Variants in OPCML observed in about 807,000 individuals in gnomAD.
OPCML encodes the protein opioid-binding protein/cell adhesion molecule.
Under a neutral mutation model 37.8 loss-of-function variants are expected in OPCML, and 13 were observed. The ratio of observed to expected loss-of-function variants is 0.34; its 90% CI spans 0.22 to 0.55. The LOEUF (loss-of-function observed/expected upper bound fraction) is 0.55, where lower values mean the gene tolerates loss of function less well. Ranked by LOEUF, OPCML falls within the 20% of genes least tolerant of loss-of-function variation. OPCML has a pLI of 0.91. For synonymous variants in OPCML, 176 were observed against 168.8 expected (o/e 1.04, Z -0.33); for missense variants, 341 against 435.6 (o/e 0.78, Z 1.93).
intron 1 of OPCML, among the ~76,000 whole-genome samples, chr11:133,515,722 T>C (rs1481517579): frequency 6.6e-6 from 1 of 151,524 alleles, no homozygotes; most frequent in Non-Finnish European, 1.5e-5. Context: ...TTACCACCAG[T>C]CCAGAAAAGC....
intron 2 of OPCML, among the ~76,000 whole-genome samples, chr11:132,835,768 C>T (rs888306390): frequency 6.6e-6 from 1 of 152,176 alleles, no homozygotes; most frequent in Non-Finnish European, 1.5e-5. Context: ...AAGTGAACGG[C>T]GGTGCCCTTA....
chr11:133,161,985 CTTTT>C (rs553617547), intron 1 of OPCML, among the ~76,000 whole-genome samples: 131 of 85,478 alleles, frequency 1.5e-3, no homozygotes, highest in Admixed American at 3.3e-3. Context: ...CAGTCTCTGT[CTTTT>C]TTTTTTTTTT....
At chr11:132,498,432 T>C (rs2096238104) in intron 4 of OPCML, among the ~76,000 whole-genome samples, 1 of 152,240 alleles carries the variant, frequency 6.6e-6, no homozygotes, top group African/African-American at 2.4e-5. Context: ...GGAAACACAC[T>C]GGTCACAACT....
chr11:132,658,262 G>C (rs954861642), intron 2 of OPCML, among the ~76,000 whole-genome samples: 1 of 152,224 alleles, frequency 6.6e-6, no homozygotes, highest in African/African-American at 2.4e-5. Flanking sequence ...AACCACTCTT[G>C]CCAATGTCCT....
intron 1 of OPCML, among the ~76,000 whole-genome samples, chr11:133,255,192 G>T (rs1158445784): frequency 2.0e-5 from 3 of 152,072 alleles, no homozygotes; most frequent in Admixed American, 6.5e-5. Flanking sequence ...GCCTGCATGT[G>T]CTGGTTAATA....
In OPCML at chr11:133,472,305, C is replaced by T. The variant is rs372181127; in HGVS notation, c.61+59959G>A. ...AATGCATTTCTCTGCATTATCTTCTCGTGATCACAAAGAAATAGGAGACAA... is the reference window on the plus strand; with the variant it reads ...AATGCATTTCTCTGCATTATCTTCTTGTGATCACAAAGAAATAGGAGACAA... On this transcript the variant is annotated intron_variant, in intron 1 of 7. Coordinates refer to ENST00000524381, the MANE Select transcript of OPCML (RefSeq NM_001012393.5). Among the ~76,000 whole-genome samples, 51 of 152,122 alleles carry T rather than the reference C, an allele frequency of 3.4e-4. No individual in the cohort carries two copies. The East Asian group carries it at 5.2e-3, about 16-fold the overall frequency.
chr11:132,529,403 G>A (rs991463729), intron 3 of OPCML: 50 of 167,494 alleles, frequency 3.0e-4, no homozygotes, highest in African/African-American at 1.2e-3. Flanking sequence ...GATAGCAGGA[G>A]GCAGATGTGG....
At chr11:133,514,132 G>T (rs34810428) in intron 1 of OPCML, among the ~76,000 whole-genome samples, 1 of 152,024 alleles carries the variant, frequency 6.6e-6, no homozygotes, top group South Asian at 2.1e-4. Context: ...GGTTCACATC[G>T]CCTGGCATCT....
chr11:133,128,227 GC>G (rs1949546909), intron 1 of OPCML, among the ~76,000 whole-genome samples: 1 of 152,124 alleles, frequency 6.6e-6, no homozygotes, highest in Non-Finnish European at 1.5e-5. Context: ...TGCATTGGCA[GC>G]CCCGTCCCCT....
At chr11:133,280,980 G>A (rs1261158626) in intron 1 of OPCML, among the ~76,000 whole-genome samples, 1 of 152,154 alleles carries the variant, frequency 6.6e-6, no homozygotes, top group African/African-American at 2.4e-5. Flanking sequence ...TCGTCCCTTA[G>A]GGAAGATTAT....
intron 2 of OPCML, among the ~76,000 whole-genome samples, chr11:132,937,520 GGTGTGTGGT>G (rs1229331336): frequency 4.0e-4 from 60 of 150,874 alleles, no homozygotes; most frequent in African/African-American, 1.1e-3. Context: ...GTGTCTGTGT[GGTGTGTGGT>G]GTGTGTGGTG....
chr11:132,687,972 AG>A (rs1203001050), intron 2 of OPCML, among the ~76,000 whole-genome samples: 1 of 152,188 alleles, frequency 6.6e-6, no homozygotes. Flanking sequence ...TAAAAAATCT[AG>A]GGATAACTTG....
At chr11:133,081,593 G>T (rs977684146) in intron 1 of OPCML, among the ~76,000 whole-genome samples, 1 of 152,114 alleles carries the variant, frequency 6.6e-6, no homozygotes, top group South Asian at 2.1e-4. Context: ...GATGACAGAC[G>T]GAGGCTTCTA....
At chr11:133,078,363 G>A (rs1283078545) in intron 1 of OPCML, among the ~76,000 whole-genome samples, 2 of 152,100 alleles carry the variant, frequency 1.3e-5, no homozygotes, top group Non-Finnish European at 2.9e-5. Flanking sequence ...TTCCACACTG[G>A]ACACACAAAC....
chr11:132,782,523 G>A (rs1038255642), intron 2 of OPCML, among the ~76,000 whole-genome samples: 1 of 152,194 alleles, frequency 6.6e-6, no homozygotes, highest in Non-Finnish European at 1.5e-5. Context: ...AATAAGATGT[G>A]ATCTCACTTA....
intron 1 of OPCML, among the ~76,000 whole-genome samples, chr11:133,110,035 C>T (rs566490576): frequency 3.9e-5 from 6 of 152,146 alleles, no homozygotes; most frequent in South Asian, 2.1e-4. Context: ...TGAAGGATGC[C>T]GCAGAAATCT....
At chr11:132,729,560 G>C (rs1332760758) in intron 2 of OPCML, among the ~76,000 whole-genome samples, 1 of 152,162 alleles carries the variant, frequency 6.6e-6, no homozygotes, top group Admixed American at 6.5e-5. Flanking sequence ...TGTCTCCTTT[G>C]CTCATCCAAG....
intron 2 of OPCML, among the ~76,000 whole-genome samples, chr11:132,931,088 G>C (rs1945182597): frequency 6.6e-6 from 1 of 151,774 alleles, no homozygotes. Flanking sequence ...TCAACAAATG[G>C]TGTTGAAAAA....
At chr11:133,492,880 G>A (rs541490187) in intron 1 of OPCML, among the ~76,000 whole-genome samples, 1 of 152,260 alleles carries the variant, frequency 6.6e-6, no homozygotes, top group Non-Finnish European at 1.5e-5. Context: ...TCTCCTTGGG[G>A]ATACAGCAGC....
Sources: allele counts gnomAD v4.1 joint callset (sites outside exome capture counted in the v4.1 genomes callset), GRCh38; gene constraint gnomAD v4.1.1; transcripts MANE v1.5; gene names NCBI Gene and HGNC (gene_info 2026-07-23, HGNC 2026-07-21).